DIPK1A: variants seen among roughly 807,000 people sequenced by gnomAD.
DIPK1A encodes divergent protein kinase domain 1A, also known as family with sequence similarity 69 member A.
DIPK1A carries 27 observed loss-of-function variants against 40.8 expected under a neutral mutation model. That is an observed-to-expected ratio of 0.66 (90% CI 0.49 to 0.91). The LOEUF (loss-of-function observed/expected upper bound fraction) is 0.91. DIPK1A is among the 40% of genes least tolerant of loss of function. The probability of loss-of-function intolerance (pLI) is 0.00; values close to 1 mark genes in which losing one functional copy is unlikely to be tolerated. For missense variants in DIPK1A, 412 were observed against 505.7 expected, an observed-to-expected ratio of 0.81 and a Z score of 1.78; for synonymous variants, 166 against 171.3, an observed-to-expected ratio of 0.97 and a Z score of 0.24.
intron 1 of DIPK1A, among the ~76,000 whole-genome samples, chr1:92,905,491 C>G (rs1649587177): frequency 6.6e-6 from 1 of 151,958 alleles, no homozygotes; most frequent in South Asian, 2.1e-4. Flanking sequence ...GATTTTTTCC[C>G]TATTAAGTTC....
chr1:92,860,588 G>A (rs997733116), intron 2 of DIPK1A, among the ~76,000 whole-genome samples: 5 of 146,334 alleles, frequency 3.4e-5, no homozygotes, highest in African/African-American at 1.3e-4. Context: ...TCAGGAGTTC[G>A]AGACCAGCCT....
At chr1:92,942,881 T>G (rs1651214220) in intron 1 of DIPK1A, among the ~76,000 whole-genome samples, 1 of 152,178 alleles carries the variant, frequency 6.6e-6, no homozygotes, top group South Asian at 2.1e-4. Context: ...GTCAGGCTGG[T>G]CTCGAACTCC....
intron 1 of DIPK1A, among the ~76,000 whole-genome samples, chr1:92,897,407 A>C (rs1200740946): frequency 6.6e-6 from 1 of 151,820 alleles, no homozygotes; most frequent in Non-Finnish European, 1.5e-5. Context: ...TCGCAAGGAC[A>C]AAAAAAACAA....
At chr1:92,870,051 T>C (rs1210336935) in intron 2 of DIPK1A, among the ~76,000 whole-genome samples, 2 of 145,348 alleles carry the variant, frequency 1.4e-5, no homozygotes, top group Non-Finnish European at 3.0e-5. Context: ...TAATCTGCAA[T>C]AAAAAACTTA....
At chr1:92,875,582 T>G (rs952167583) in intron 2 of DIPK1A, among the ~76,000 whole-genome samples, 1 of 151,956 alleles carries the variant, frequency 6.6e-6, no homozygotes, top group African/African-American at 2.4e-5. Flanking sequence ...CCAGGCGTGG[T>G]AGTGCGAGCC....
At chr1:92,894,390 T>C (rs1649063544) in intron 1 of DIPK1A, among the ~76,000 whole-genome samples, 1 of 152,144 alleles carries the variant, frequency 6.6e-6, no homozygotes, top group African/African-American at 2.4e-5. Flanking sequence ...GAACAATCTG[T>C]TCCTGAATGA....
At chr1:92,850,795 G>T in intron 3 of DIPK1A, 53 bp downstream of exon 3, 2 of 1,104,010 alleles carry the variant, frequency 1.8e-6, no homozygotes, top group Non-Finnish European at 2.6e-6. Flanking sequence ...TTTAATTTCT[G>T]GTAAAATTAG....
At position 92,901,766 on chromosome 1, in the gene DIPK1A, C is replaced by T. The variant is rs189989334; in HGVS notation, c.55-25336G>A. Among the ~76,000 whole-genome samples the T allele has an allele frequency of 2.2e-3, 333 of 152,102 alleles. 4 individuals are homozygous for T. The highest frequency in any genetic ancestry group is 1.3e-3 in the Non-Finnish European group (89 of 67,968). On this transcript the variant is annotated intron_variant, in intron 1 of 4. Transcript: ENST00000370310. ...AATGGAACACAGCTGTTGTTTGGGC[C>T]CTGGGAGGCAGGGAATGCACAGCAA...
At chr1:92,934,967 T>C (rs1156743413) in intron 1 of DIPK1A, among the ~76,000 whole-genome samples, 3 of 152,244 alleles carry the variant, frequency 2.0e-5, no homozygotes, top group Admixed American at 2.0e-4. Context: ...ATCATTTTCA[T>C]GTCCAAAGAC....
downstream of DIPK1A, chr1:92,837,837 G>A (rs1687187809): frequency 5.1e-6 from 3 of 583,250 alleles, no homozygotes; most frequent in South Asian, 2.0e-5. Flanking sequence ...TTTATGCTTT[G>A]GCTGTTCTGT....
chr1:92,864,850 G>A (rs1413648957), intron 2 of DIPK1A, among the ~76,000 whole-genome samples: 2 of 151,986 alleles, frequency 1.3e-5, no homozygotes, highest in Admixed American at 6.6e-5. Context: ...GACCAGCCTG[G>A]CCAACATGGC....
At chr1:92,868,041 T>C (rs970465498) in intron 2 of DIPK1A, among the ~76,000 whole-genome samples, 3 of 152,240 alleles carry the variant, frequency 2.0e-5, no homozygotes, top group Non-Finnish European at 2.9e-5. Flanking sequence ...AGAGCATCAA[T>C]CAGTGTTAGA....
intron 2 of DIPK1A, among the ~76,000 whole-genome samples, chr1:92,859,842 T>C (rs1688108610): frequency 6.6e-6 from 1 of 152,154 alleles, no homozygotes; most frequent in Admixed American, 6.6e-5. Context: ...TAGCTAGGAT[T>C]ATAGGTGCAT....
At chr1:92,881,937 T>C (rs1044933209) in intron 1 of DIPK1A, among the ~76,000 whole-genome samples, 2 of 152,242 alleles carry the variant, frequency 1.3e-5, no homozygotes, top group Non-Finnish European at 2.9e-5. Context: ...GTGTTTAATG[T>C]ACATATTTAA....
intron 1 of DIPK1A, among the ~76,000 whole-genome samples, chr1:92,898,611 A>G (rs1649281464): frequency 6.6e-6 from 1 of 152,168 alleles, no homozygotes; most frequent in East Asian, 1.9e-4. Flanking sequence ...AGTAGCTGGG[A>G]CTATAGGTGT....
At chr1:92,938,925 G>A (rs149553713) in intron 1 of DIPK1A, among the ~76,000 whole-genome samples, 86 of 152,158 alleles carry the variant, frequency 5.7e-4, no homozygotes, top group African/African-American at 1.7e-3. Flanking sequence ...TTTTTTAGAC[G>A]GAGTCCTGCT....
At chr1:92,833,730 GGT>G in intron 4 of DIPK1A, 5 of 1,252,620 alleles carry the variant, frequency 4.0e-6, no homozygotes, top group Non-Finnish European at 4.7e-6. Context: ...CAAAGCACAT[GGT>G]GTGTGTGTTA....
intron 1 of DIPK1A, among the ~76,000 whole-genome samples, chr1:92,934,808 G>T (rs1035799835): frequency 1.3e-5 from 2 of 152,162 alleles, no homozygotes; most frequent in South Asian, 4.1e-4. Flanking sequence ...GATTTGCCAA[G>T]AGAGTTCCTG....
At chr1:92,835,676 A>AG (rs1316128564) in intron 4 of DIPK1A, among the ~76,000 whole-genome samples, 29 of 151,830 alleles carry the variant, frequency 1.9e-4, no homozygotes, top group African/African-American at 7.0e-4. Flanking sequence ...AAAAAAAAAA[A>AG]AAATGAGAAT....
Sources: gnomAD v4.1 joint callset for allele counts (sites outside exome capture counted in the v4.1 genomes callset) on GRCh38, gnomAD v4.1.1 for gene constraint, MANE v1.5 for transcripts, NCBI Gene and HGNC (gene_info 2026-07-23, HGNC 2026-07-21) for gene names.